The following GSG1L variants were observed in gnomAD, a reference collection of about 807,000 sequenced individuals.
GSG1L encodes the protein germ cell-specific gene 1-like protein.
GSG1L carries 24 observed loss-of-function variants against 42.1 expected under a neutral mutation model. The observed-to-expected ratio is 0.57, with a 90% confidence interval of 0.41 to 0.80. The LOEUF is 0.80. GSG1L is among the 30% of genes least tolerant of loss of function. GSG1L has a pLI of 0.00. For synonymous variants in GSG1L, 215 were observed against 203.5 expected, an observed-to-expected ratio of 1.06 and a Z score of -0.48; for missense variants, 445 against 472.2, an observed-to-expected ratio of 0.94 and a Z score of 0.53.
At position 27,920,427 on chromosome 16, in the gene GSG1L, G is replaced by A. The variant is rs541118082; in HGVS notation, c.398-35789C>T. ...TAACGATGGAGAGTTTCCAGGAGTCGTTGGGAGGCAGACGCCACCTCCAGG... is the reference window on the plus strand; with the variant it reads ...TAACGATGGAGAGTTTCCAGGAGTCATTGGGAGGCAGACGCCACCTCCAGG... On this transcript the variant is annotated intron_variant, in intron 2 of 6. Transcript: ENST00000447459. Among the ~76,000 whole-genome samples the A allele has an allele frequency of 3.9e-5, 6 of 152,342 alleles. 1 individual carries two copies. In the South Asian group the frequency reaches 6.2e-4, roughly 16 times the overall value.
chr16:27,833,678 G>A (rs922502591), intron 4 of GSG1L, among the ~76,000 whole-genome samples: 1 of 151,916 alleles, frequency 6.6e-6, no homozygotes, highest in African/African-American at 2.4e-5. Flanking sequence ...TGTTTTGTTA[G>A]ATTTATGTCT....
chr16:28,029,156 C>T (rs751075665), intron 1 of GSG1L, among the ~76,000 whole-genome samples: 2 of 152,178 alleles, frequency 1.3e-5, no homozygotes, highest in Non-Finnish European at 2.9e-5. Flanking sequence ...CCTCAGTTTC[C>T]TCATCTGAGA....
intron 2 of GSG1L, among the ~76,000 whole-genome samples, chr16:27,916,152 G>T (rs2084452696): frequency 6.6e-6 from 1 of 152,142 alleles, no homozygotes; most frequent in Admixed American, 6.5e-5. Context: ...GTGGCTGAAG[G>T]TGGAACCAAC....
chr16:27,854,921 C>A (rs1047208578), intron 3 of GSG1L, among the ~76,000 whole-genome samples: 2 of 152,140 alleles, frequency 1.3e-5, no homozygotes, highest in African/African-American at 4.8e-5. Context: ...ACCCCTAAGT[C>A]ACAATCCTGC....
intron 1 of GSG1L, among the ~76,000 whole-genome samples, chr16:28,042,333 G>A (rs893213334): frequency 4.0e-5 from 6 of 151,848 alleles, no homozygotes; most frequent in Non-Finnish European, 7.4e-5. Flanking sequence ...CTACTCAGGA[G>A]GCTGAGAAAG....
intron 6 of GSG1L, among the ~76,000 whole-genome samples, chr16:27,793,793 C>G (rs2082786347): frequency 6.6e-6 from 1 of 152,186 alleles, no homozygotes; most frequent in South Asian, 2.1e-4. Flanking sequence ...GGCTCAGAGC[C>G]ATTTAAGGTG....
At chr16:27,860,703 T>C (rs569981181) in intron 3 of GSG1L, among the ~76,000 whole-genome samples, 19 of 152,192 alleles carry the variant, frequency 1.2e-4, no homozygotes, top group Non-Finnish European at 1.9e-4. Context: ...TCCCCAGCCA[T>C]CTGCAGCCAA....
intron 1 of GSG1L, among the ~76,000 whole-genome samples, chr16:27,995,822 C>T (rs1050597196): frequency 6.6e-6 from 1 of 151,940 alleles, no homozygotes; most frequent in African/African-American, 2.4e-5. Flanking sequence ...CCAGTAGGCT[C>T]TCAACCCAGG....
intron 1 of GSG1L, among the ~76,000 whole-genome samples, chr16:27,964,097 C>T (rs937152024): frequency 1.3e-5 from 2 of 151,830 alleles, no homozygotes; most frequent in African/African-American, 4.8e-5. Context: ...TTTGGGAGGC[C>T]GAGGCGGGCG....
chr16:27,927,950 G>C (rs879864109), intron 2 of GSG1L, among the ~76,000 whole-genome samples: 4 of 152,142 alleles, frequency 2.6e-5, no homozygotes, highest in Non-Finnish European at 5.9e-5. Flanking sequence ...CCAATGTGTG[G>C]ACACAGTGGA....
intron 2 of GSG1L, among the ~76,000 whole-genome samples, chr16:27,962,117 G>T (rs2085079135): frequency 1.3e-5 from 2 of 152,194 alleles, no homozygotes; most frequent in African/African-American, 4.8e-5. Flanking sequence ...AGGGTAGGCA[G>T]GTGGGGAGGC....
intron 3 of GSG1L, among the ~76,000 whole-genome samples, chr16:27,870,047 C>G (rs956418097): frequency 2.7e-5 from 4 of 149,532 alleles, no homozygotes; most frequent in Non-Finnish European, 4.4e-5. Flanking sequence ...CTCCTTCTCT[C>G]TCTCTGTCTC....
intron 1 of GSG1L, among the ~76,000 whole-genome samples, chr16:28,054,195 G>A (rs563705213): frequency 2.1e-4 from 32 of 152,212 alleles, no homozygotes; most frequent in African/African-American, 7.5e-4. Context: ...CACTGTCCTC[G>A]CCAAGCTCCA....
chr16:27,843,504 T>TTAAAA (rs1357286018), intron 4 of GSG1L, among the ~76,000 whole-genome samples: 1 of 75,942 alleles, frequency 1.3e-5, no homozygotes, highest in African/African-American at 4.9e-5. Context: ...AGAGACTCTG[T>TTAAAA]AAAAAAAAAA....
intron 6 of GSG1L, among the ~76,000 whole-genome samples, chr16:27,806,129 C>G (rs1394195637): frequency 6.6e-6 from 1 of 152,098 alleles, no homozygotes; most frequent in Non-Finnish European, 1.5e-5. Flanking sequence ...CCAAACACAT[C>G]CATCCCCTGG....
intron 3 of GSG1L, among the ~76,000 whole-genome samples, chr16:27,860,873 T>C (rs2083640530): frequency 6.6e-6 from 1 of 151,924 alleles, no homozygotes; most frequent in Non-Finnish European, 1.5e-5. Flanking sequence ...TTGGCCTCTG[T>C]AAATACTTGT....
intron 1 of GSG1L, among the ~76,000 whole-genome samples, chr16:28,026,974 C>T (rs1007106304): frequency 1.2e-4 from 18 of 152,052 alleles, no homozygotes; most frequent in Non-Finnish European, 2.5e-4. Context: ...TCCAGCTATT[C>T]GGGAGGCTGA....
intron 1 of GSG1L, among the ~76,000 whole-genome samples, chr16:28,022,248 G>A (rs1213244569): frequency 6.6e-6 from 1 of 152,142 alleles, no homozygotes; most frequent in African/African-American, 2.4e-5. Context: ...TTTGACCTCA[G>A]AGGTGATTAC....
At chr16:27,927,694 C>T (rs1372365455) in intron 2 of GSG1L, among the ~76,000 whole-genome samples, 1 of 152,228 alleles carries the variant, frequency 6.6e-6, no homozygotes, top group Non-Finnish European at 1.5e-5. Context: ...CCAGCCACCT[C>T]CTCCAGGAAG....
Sources: allele counts gnomAD v4.1 joint callset (sites outside exome capture counted in the v4.1 genomes callset), GRCh38; gene constraint gnomAD v4.1.1; transcripts MANE v1.5; gene names NCBI Gene and HGNC (gene_info 2026-07-23, HGNC 2026-07-21).